Variants in CAGE1 observed in about 807,000 individuals in gnomAD.
The protein encoded by CAGE1 is cancer antigen 1, also known as cancer-associated gene 1 protein.
CAGE1 carries 66 observed loss-of-function variants against 94.9 expected under a neutral mutation model. The ratio of observed to expected loss-of-function variants is 0.70; its 90% CI spans 0.57 to 0.85. The LOEUF (loss-of-function observed/expected upper bound fraction) is 0.85, where lower values mean the gene tolerates loss of function less well. CAGE1 is among the 40% of genes least tolerant of loss of function. CAGE1 has a pLI of 0.00. For synonymous variants in CAGE1, 319 were observed against 321.0 expected, an observed-to-expected ratio of 0.99 and a Z score of 0.07; for missense variants, 865 against 950.4, an observed-to-expected ratio of 0.91 and a Z score of 1.18.
chr6:7,366,757 C>T (rs893939058), intron 7 of CAGE1, among the ~76,000 whole-genome samples: 56 of 152,082 alleles, frequency 3.7e-4, no homozygotes, highest in African/African-American at 1.4e-3. Context: ...TGCATTGTAT[C>T]CTTTGCTGTG....
chr6:7,356,909 G>C (rs1446696721), intron 9 of CAGE1, among the ~76,000 whole-genome samples: 1 of 152,078 alleles, frequency 6.6e-6, no homozygotes. Flanking sequence ...CAATTCTCCT[G>C]CCTCAGCCTC....
intron 3 of CAGE1, among the ~76,000 whole-genome samples, chr6:7,382,552 C>T (rs569741935): frequency 8.1e-4 from 120 of 148,934 alleles, no homozygotes; most frequent in Middle Eastern, 7.3e-3. Context: ...CCGCTTGCCT[C>T]GGCCTCCCAA....
intron 12 of CAGE1, chr6:7,331,788 G>A (rs1758764517): frequency 6.4e-6 from 1 of 156,708 alleles, no homozygotes; most frequent in African/African-American, 2.4e-5. Flanking sequence ...GGCAGCAGAG[G>A]TTGAAGGAAT....
intron 3 of CAGE1, among the ~76,000 whole-genome samples, chr6:7,382,626 C>T (rs1019626925): frequency 6.7e-6 from 1 of 149,568 alleles, no homozygotes; most frequent in African/African-American, 2.4e-5. Flanking sequence ...CTTAAGAAAT[C>T]TTAGGCTGGG....
At chr6:7,336,527 T>C (rs1758957801) in intron 11 of CAGE1, among the ~76,000 whole-genome samples, 1 of 152,220 alleles carries the variant, frequency 6.6e-6, no homozygotes, top group African/African-American at 2.4e-5. Context: ...TTTTTTCTTT[T>C]AAGACAGAGT....
At chr6:7,328,916 GTGTATATA>G (rs1209292161) in intron 13 of CAGE1, among the ~76,000 whole-genome samples, 2 of 33,904 alleles carry the variant, frequency 5.9e-5, no homozygotes, top group African/African-American at 1.0e-4. Context: ...GTGTGTGTGT[GTGTATATA>G]TATATATATA....
chr6:7,373,007 A>T, intron 5 of CAGE1, 66 bp downstream of exon 5: 1 of 1,114,698 alleles, frequency 9.0e-7, no homozygotes, highest in South Asian at 1.6e-5. Context: ...ACGTCTAAAT[A>T]CGCATCACTA....
At position 7,362,780 on chromosome 6, in the gene CAGE1, T is replaced by C. The variant is rs1008438494; in HGVS notation, c.2193+2688A>G. On this transcript the variant is annotated intron_variant, in intron 9 of 13. Transcript: ENST00000502583. This position sits in a 1 kb window ranked among gnomAD's most constrained non-coding sequence, Gnocchi z 4.1. Reference sequence around the variant, plus strand: ...TTTATCTTGAAAATTTTCATGCAAGTCTAAAGAATAACATAATGAACCTCC... The same window carrying C: ...TTTATCTTGAAAATTTTCATGCAAGCCTAAAGAATAACATAATGAACCTCC... Among the ~76,000 whole-genome samples, 1 of 152,124 alleles carries C rather than the reference T, an allele frequency of 6.6e-6. No homozygotes were observed.
rs910823005 is a variant in CAGE1 at position 7,389,705 on chromosome 6, A to G, written c.-527T>C. On this transcript the variant is annotated 5_prime_UTR_variant, in exon 1 of 14. It removes an upstream start codon present in the reference 5' UTR. Coordinates refer to ENST00000502583, the MANE Select transcript of CAGE1 (RefSeq NM_001170692.2). ...ACACGCCTTCCTGAGAGCACAGAAC[A>G]TCCACAGCCCTATACAGCGCGCCAT... 6 of 505,492 alleles carry G rather than the reference A, an allele frequency of 1.2e-5. No homozygotes were observed. Among genetic ancestry groups the G allele is most frequent in the Non-Finnish European group, 1.8e-5 (5 of 279,106 alleles). The allele number at this position is 505,492 out of a possible 1,614,324, so 31.3% of individuals were successfully genotyped here. A position where few individuals can be genotyped will look rare whatever the true frequency, so the allele number is the denominator to read the frequency against.
Position 7,368,773 on chromosome 6 carries a change from T to G in CAGE1, c.1919A>C (p.His640Pro). The G allele has an allele frequency of 6.4e-7, 1 of 1,554,378 alleles. No homozygotes were observed. The change falls in exon 7 of 14, where the codon CAT becomes CCT. Residue 640 changes from histidine (H) to proline (P), a missense_variant. Transcript: ENST00000502583. ...ACTAACCTTCTCACTCTCTTTGAAA[T>G]GTTCAGCATCAGAATTGATGATGTC... The part of the protein sequence containing the change: ...CQDIINSDAE[H>P]FKESEKVSDI...
intron 7 of CAGE1, among the ~76,000 whole-genome samples, chr6:7,366,723 C>T (rs7745953): frequency 0.36 from 53,966 of 151,748 alleles, 9,767 homozygotes; most frequent in Admixed American, 0.42. Context: ...GACGATGCCC[C>T]TGTGCCTTTC....
chr6:7,336,083 A>C (rs971722014), intron 11 of CAGE1, among the ~76,000 whole-genome samples: 1 of 152,210 alleles, frequency 6.6e-6, no homozygotes, highest in Non-Finnish European at 1.5e-5. Flanking sequence ...AGGGATAAAG[A>C]GAAGTTGTCA....
At chr6:7,331,105 T>A (rs1758733769) in intron 12 of CAGE1, among the ~76,000 whole-genome samples, 1 of 152,226 alleles carries the variant, frequency 6.6e-6, no homozygotes, top group Non-Finnish European at 1.5e-5. Flanking sequence ...AATGCTAGTT[T>A]AAATCTGCCA....
rs748823045 is a variant in CAGE1, at chr6:7,368,805, G to A, written c.1894-7C>T. The A allele has an allele frequency of 5.3e-6, 8 of 1,496,384 alleles. No individual in the cohort carries two copies. In the South Asian group the frequency reaches 9.2e-5, roughly 17 times the overall value. The allele number at this position is 1,496,384 out of a possible 1,614,324, so 92.7% of individuals were successfully genotyped here. On this transcript the variant is annotated splice_polypyrimidine_tract_variant and splice_region_variant and intron_variant, in intron 6 of 13. Coordinates refer to ENST00000502583, the MANE Select transcript of CAGE1 (RefSeq NM_001170692.2). ...CATCAGAATTGATGATGTCCTAAGG[G>A]TAAGAGTTTCAGAAGCTAGATGAAA...
intron 3 of CAGE1, among the ~76,000 whole-genome samples, chr6:7,380,490 A>G (rs1479391942): frequency 6.6e-6 from 1 of 151,944 alleles, no homozygotes; most frequent in Admixed American, 6.6e-5. Context: ...TACAAAACTT[A>G]GTGGGGCGTG....
intron 13 of CAGE1, 109 bp from the exon 14 acceptor site, chr6:7,327,008 G>A: frequency 1.3e-6 from 1 of 766,928 alleles, no homozygotes; most frequent in Non-Finnish European, 2.3e-6. Context: ...GGGGTGCAAA[G>A]TAAGCCTATA....
chr6:7,370,186 C>T (rs773409286), intron 5 of CAGE1, 121 bp from the exon 6 acceptor site: 6 of 556,666 alleles, frequency 1.1e-5, no homozygotes, highest in Non-Finnish European at 1.8e-5. Flanking sequence ...CAAACTTTTT[C>T]ATCTTAGGAT....
At chr6:7,343,848 C>G (rs1759292356) in intron 11 of CAGE1, among the ~76,000 whole-genome samples, 2 of 152,076 alleles carry the variant, frequency 1.3e-5, no homozygotes, top group Admixed American at 6.5e-5. Flanking sequence ...CGACCTCTCA[C>G]CAGGATGATG....
In CAGE1 at chr6:7,365,788, TAA is replaced by T. The variant is rs1561860908; in HGVS notation, c.2085+14_2085+15del. 1 of 1,456,422 alleles carries T rather than the reference TAA, an allele frequency of 6.9e-7. No homozygotes were observed. Among genetic ancestry groups the T allele is most frequent in the Admixed American group, 2.2e-5 (1 of 46,092 alleles). The allele number at this position is 1,456,422 out of a possible 1,614,324, so 90.2% of individuals were successfully genotyped here. On this transcript the variant is annotated intron_variant, in intron 8 of 13. Coordinates refer to ENST00000502583, the MANE Select transcript of CAGE1 (RefSeq NM_001170692.2). ...TTTTTATGTTAAAGATAGTACGTAG[TAA>T]ATATTAAGCTCACCTTAATAGCATG...
Sources: allele counts gnomAD v4.1 joint callset (sites outside exome capture counted in the v4.1 genomes callset), GRCh38; gene constraint gnomAD v4.1.1; non-coding constraint Gnocchi (gnomAD v3.1); transcripts MANE v1.5; gene names NCBI Gene and HGNC (gene_info 2026-07-23, HGNC 2026-07-21).